Variants in HSPA4 observed in about 807,000 individuals in gnomAD.
HSPA4 encodes heat shock protein family A (Hsp70) member 4.
In HSPA4, 25 loss-of-function variants were observed where a neutral mutation model predicts 106.2. The ratio of observed to expected loss-of-function variants is 0.24; its 90% CI spans 0.17 to 0.33. The LOEUF is 0.33. HSPA4 is among the 10% of genes least tolerant of loss of function. HSPA4 has a pLI of 1.00. For synonymous variants in HSPA4, 332 were observed against 333.6 expected (o/e 1.00, Z 0.05); for missense variants, 841 against 996.0 (o/e 0.84, Z 2.10).
intron 3 of HSPA4, among the ~76,000 whole-genome samples, chr5:133,069,738 T>C (rs1765357630): frequency 6.6e-6 from 1 of 152,252 alleles, no homozygotes; most frequent in Admixed American, 6.5e-5. Flanking sequence ...AAATAGTTTC[T>C]ACCAGCAGCC....
intron 7 of HSPA4, among the ~76,000 whole-genome samples, chr5:133,086,298 G>A (rs6884202): frequency 0.13 from 19,766 of 152,180 alleles, 3,655 homozygotes; most frequent in African/African-American, 0.4. Flanking sequence ...ATTGGTAGCC[G>A]CTCGTCTCCT....
Position 133,106,143 on chromosome 5 carries a change from T to TGG in HSPA4, c.*1708_*1709insGG. 1 of 91,520 alleles carries TGG rather than the reference T, an allele frequency of 1.1e-5. No individual in the cohort carries two copies. Among genetic ancestry groups the TGG allele is most frequent in the South Asian group, 4.3e-4 (1 of 2,310 alleles). The allele number at this position is 91,520 out of a possible 1,614,324, so 5.7% of individuals were successfully genotyped here. On this transcript the variant is annotated 3_prime_UTR_variant, in exon 19 of 19. Coordinates refer to ENST00000304858, the MANE Select transcript of HSPA4 (RefSeq NM_002154.4). ...TTTTTTTTTTTTTTTTTTTTTTTGG[T>TGG]GTGTGTGTGTGTGTGTGTGGGGAAG...
At chr5:133,097,366 T>C in intron 15 of HSPA4, 80 bp downstream of exon 15, 1 of 1,249,962 alleles carries the variant, frequency 8.0e-7, no homozygotes, top group Admixed American at 1.9e-5. Context: ...AGTGTGCAGC[T>C]ATATGTGTAT....
intron 1 of HSPA4, among the ~76,000 whole-genome samples, chr5:133,056,642 A>G (rs562334339): frequency 7.9e-4 from 121 of 152,322 alleles, no homozygotes; most frequent in African/African-American, 2.8e-3. Flanking sequence ...GCTGTTACAA[A>G]TAGTTCTTCA....
At chr5:133,071,773 A>G (rs1364895594) in intron 4 of HSPA4, among the ~76,000 whole-genome samples, 1 of 152,212 alleles carries the variant, frequency 6.6e-6, no homozygotes, top group Non-Finnish European at 1.5e-5. Context: ...AGTAGAATTG[A>G]CATTTGTCAG....
intron 16 of HSPA4, 93 bp from the exon 17 acceptor site, chr5:133,101,666 C>A: frequency 8.5e-7 from 1 of 1,176,706 alleles, no homozygotes; most frequent in Non-Finnish European, 1.2e-6. Flanking sequence ...ATATAGCACA[C>A]GGAGATTAAA....
At chr5:133,091,874 AAAC>A (rs368898451) in intron 12 of HSPA4, among the ~76,000 whole-genome samples, 3,436 of 151,888 alleles carry the variant, frequency 0.023, 125 homozygotes, top group African/African-American at 0.075. Flanking sequence ...AAAAAGTTAA[AAAC>A]AACAACAACA....
intron 13 of HSPA4, among the ~76,000 whole-genome samples, chr5:133,093,082 T>C (rs1257651882): frequency 6.6e-6 from 1 of 151,626 alleles, no homozygotes; most frequent in Non-Finnish European, 1.5e-5. Flanking sequence ...CCACCTGTCT[T>C]GTCCTCCCAA....
Position 133,052,382 on chromosome 5 carries a change from G to C in HSPA4, c.107+25G>C, listed in dbSNP as rs572136769. 7.0e-5 allele frequency: 98 copies of C among 1,392,754 alleles called. 1 individual carries two copies. The highest frequency in any genetic ancestry group is 1.8e-4 in the Middle Eastern group (1 of 5,540). The allele number at this position is 1,392,754 out of a possible 1,614,324, so 86.3% of individuals were successfully genotyped here. A position where few individuals can be genotyped will look rare whatever the true frequency, so the allele number is the denominator to read the frequency against. ...CGTAAGTGTGGGCCGGGCCTGCCGC[G>C]TGCACTGGGGTTAGGAGATAATGCT... On this transcript the variant is annotated intron_variant, in intron 1 of 18. Transcript: ENST00000304858.
chr5:133,091,193 C>T lies in HSPA4; in HGVS notation c.1379C>T (p.Ala460Val). 3 of 1,613,174 alleles carry T rather than the reference C, an allele frequency of 1.9e-6. No homozygotes were observed. Among genetic ancestry groups the T allele is most frequent in the South Asian group, 2.2e-5 (2 of 91,044 alleles). ...QDLPYPDPAIAQFSVQKVTPQ... is the reference protein window; with the variant it reads ...QDLPYPDPAIVQFSVQKVTPQ... The stretch of plus-strand genomic sequence containing the variant: ...TCTTTTGTCTCTCGTATGTCCCTAG[C>T]TCAGTTTTCAGTTCAGAAAGTCACT... Residue 460 changes from alanine to valine, a missense_variant and splice_region_variant, in exon 12 of 19, where the codon GCT becomes GTT. Physicochemically the swap from Ala to Val is moderately conservative, Grantham distance 64. This residue lies in a region of HSPA4 where 162 missense variants were observed against 177.7 expected (regional missense o/e 0.91). Transcript: ENST00000304858.
chr5:133,086,673 T>A, intron 7 of HSPA4, 109 bp from the exon 8 acceptor site: 1 of 727,968 alleles, frequency 1.4e-6, no homozygotes, highest in Non-Finnish European at 2.4e-6. Flanking sequence ...TGTCTCCACA[T>A]TTTGCCAGCA....
chr5:133,056,405 GCATTGTTGCGGT>G (rs1765165348), intron 1 of HSPA4, among the ~76,000 whole-genome samples: 1 of 152,178 alleles, frequency 6.6e-6, no homozygotes, highest in Non-Finnish European at 1.5e-5. Context: ...AGGCTGGAGT[GCATTGTTGCGGT>G]CATGTGCATA....
At chr5:133,053,168 A>G (rs902432959) in intron 1 of HSPA4, among the ~76,000 whole-genome samples, 1 of 152,258 alleles carries the variant, frequency 6.6e-6, no homozygotes, top group Admixed American at 6.5e-5. Context: ...TTTTGGGACC[A>G]GCATAGACAC....
chr5:133,059,198 A>G (rs1330508631), intron 1 of HSPA4, among the ~76,000 whole-genome samples: 2 of 151,730 alleles, frequency 1.3e-5, no homozygotes, highest in Non-Finnish European at 2.9e-5. Flanking sequence ...CTGTAATCCC[A>G]GCACTTCGGG....
chr5:133,065,233 A>G (rs1765293025), intron 2 of HSPA4, among the ~76,000 whole-genome samples, 196 bp downstream of exon 2: 1 of 152,210 alleles, frequency 6.6e-6, no homozygotes, highest in Non-Finnish European at 1.5e-5. Flanking sequence ...GATTCAAACA[A>G]CTGTGGATCA....
intron 5 of HSPA4, among the ~76,000 whole-genome samples, 154 bp downstream of exon 5, chr5:133,073,483 G>T (rs1765410409): frequency 6.6e-6 from 1 of 152,244 alleles, no homozygotes; most frequent in African/African-American, 2.4e-5. Context: ...TGTGTCACTT[G>T]TGAAGAATTA....
In HSPA4 at chr5:133,090,504, T is replaced by C. The variant is rs140767284; in HGVS notation, c.1379-689T>C. On this transcript the variant is annotated intron_variant, in intron 11 of 18. Coordinates refer to ENST00000304858, the MANE Select transcript of HSPA4 (RefSeq NM_002154.4). Reference sequence around the variant, plus strand: ...GAGATGGTGATACAATATCAAAACATACTAGGTTTCAGAACCGTGTTATCT... The same window carrying C: ...GAGATGGTGATACAATATCAAAACACACTAGGTTTCAGAACCGTGTTATCT... 6.4e-3 allele frequency among the ~76,000 whole-genome samples: 901 copies of C among 141,862 alleles called. 8 individuals carry two copies. Among genetic ancestry groups the C allele is most frequent in the Non-Finnish European group, 0.01 (672 of 65,582 alleles). 93.1% of individuals were successfully genotyped at this position (141,862 alleles called of 152,430 possible).
chr5:133,070,409 T>C lies in HSPA4; in HGVS notation c.342T>C (p.Thr114=), dbSNP rs1216703390. 8.7e-6 allele frequency: 14 copies of C among 1,611,334 alleles called. No homozygotes were observed. The highest frequency in any genetic ancestry group is 1.2e-5 in the Non-Finnish European group (14 of 1,179,272). Residue 114 remains threonine, a synonymous_variant, in exon 4 of 19, where the codon ACT becomes ACC. Transcript: ENST00000304858. ...TYMEEERNFT[T]EQVTAMLLSK... is the part of the protein sequence containing the mutation. ...TGGAGGAAGAGCGAAATTTTACCACTGAGCAAGTGACTGCCATGCTTTTGT... is the reference window on the plus strand; with the variant it reads ...TGGAGGAAGAGCGAAATTTTACCACCGAGCAAGTGACTGCCATGCTTTTGT...
intron 13 of HSPA4, 141 bp downstream of exon 13, chr5:133,092,930 C>G (rs1207873961): frequency 1.8e-6 from 1 of 553,152 alleles, no homozygotes; most frequent in Non-Finnish European, 3.1e-6. Context: ...AAGTGATTCT[C>G]CTACCTCAGC....
Sources: gnomAD v4.1 joint callset for allele counts (sites outside exome capture counted in the v4.1 genomes callset) on GRCh38, gnomAD v4.1.1 for gene constraint, gnomAD v4.1.1 regional missense constraint, MANE v1.5 for transcripts, NCBI Gene and HGNC (gene_info 2026-07-23, HGNC 2026-07-21) for gene names.